The following MOB1B variants were observed in gnomAD, a reference collection of about 807,000 sequenced individuals.
MOB1B encodes MOB kinase activator 1B.
MOB1B carries 19 observed loss-of-function variants against 24.4 expected under a neutral mutation model. The observed-to-expected ratio is 0.78, with a 90% CI of 0.54 to 1.14. The LOEUF is 1.14. Ranked by LOEUF, MOB1B falls within the 50% of genes most tolerant of loss-of-function variation. The pLI, the probability that MOB1B is intolerant of heterozygous loss-of-function variation, is 0.00. For synonymous variants in MOB1B, 76 were observed against 82.1 expected (o/e 0.93, Z 0.40); for missense variants, 243 against 259.6 (o/e 0.94, Z 0.44).
chr4:70,951,696 G>A (rs1737813647), intron 1 of MOB1B, among the ~76,000 whole-genome samples: 1 of 152,178 alleles, frequency 6.6e-6, no homozygotes, highest in African/African-American at 2.4e-5. Context: ...CTAGCAGTTC[G>A]AGACCAGCTT....
intron 1 of MOB1B, chr4:70,950,802 T>C: frequency 6.6e-7 from 1 of 1,518,126 alleles, no homozygotes; most frequent in Non-Finnish European, 8.8e-7. Context: ...GCTACTGATG[T>C]GAATGAAAGG....
chr4:70,975,407 T>A, intron 4 of MOB1B, 121 bp downstream of exon 4: 4 of 1,459,300 alleles, frequency 2.7e-6, no homozygotes, highest in Non-Finnish European at 3.6e-6. Context: ...TTGATATATG[T>A]ATATGTTACG....
intron 4 of MOB1B, chr4:70,976,070 T>G (rs1738981545): frequency 3.0e-6 from 1 of 338,558 alleles, no homozygotes; most frequent in African/African-American, 2.2e-5. Flanking sequence ...CAGCTAATTT[T>G]TTTGCATTTT....
At chr4:70,969,125 A>G (rs1370418900) in intron 2 of MOB1B, among the ~76,000 whole-genome samples, 1 of 152,088 alleles carries the variant, frequency 6.6e-6, no homozygotes, top group African/African-American at 2.4e-5. Flanking sequence ...TGTGCTTTAT[A>G]AATCTTAATA....
chr4:70,950,918 C>A, intron 1 of MOB1B: 1 of 694,914 alleles, frequency 1.4e-6, no homozygotes, highest in Non-Finnish European at 2.6e-6. Context: ...GACGAGGAAG[C>A]TGAGACTCAG....
chr4:70,972,334 C>T (rs574379687), intron 3 of MOB1B, among the ~76,000 whole-genome samples: 11 of 152,142 alleles, frequency 7.2e-5, no homozygotes, highest in Non-Finnish European at 1.0e-4. Flanking sequence ...CCTGCCTCAA[C>T]CTCTTGAGTA....
intron 1 of MOB1B, among the ~76,000 whole-genome samples, chr4:70,915,432 A>C (rs970406115): frequency 4.6e-5 from 7 of 152,200 alleles, no homozygotes; most frequent in African/African-American, 1.7e-4. Context: ...AATTTTGAGG[A>C]GTTTAAATAC....
chr4:70,958,881 C>T lies in MOB1B; in HGVS notation c.22C>T (p.Arg8Cys), dbSNP rs769925167. 1.9e-5 allele frequency: 31 copies of T among 1,607,878 alleles called. No individual in the cohort carries two copies. The highest frequency in any genetic ancestry group is 2.5e-5 in the Non-Finnish European group (29 of 1,178,314). The change falls in exon 2 of 6, where the codon CGC becomes TGC. Residue 8 changes from arginine (R) to cysteine (C), a missense_variant. Arg to Cys is a radical substitution (Grantham distance 180, BLOSUM62 -3). Coordinates refer to ENST00000309395, the MANE Select transcript of MOB1B (RefSeq NM_173468.4). ...TTTCTTTTCTATTCATAGTGGTAGT[C>T]GCTCTTCTAAAACTTTTAAACCAAA... MSFLFGS[R>C]SSKTFKPKKN...
At chr4:70,916,596 C>G (rs1275168615) in intron 1 of MOB1B, among the ~76,000 whole-genome samples, 1 of 151,840 alleles carries the variant, frequency 6.6e-6, no homozygotes, top group Non-Finnish European at 1.5e-5. Context: ...GAGACAGAGT[C>G]TTGCTATCTT....
At chr4:70,911,026 TC>T (rs1735962832) in intron 1 of MOB1B, among the ~76,000 whole-genome samples, 1 of 152,222 alleles carries the variant, frequency 6.6e-6, no homozygotes. Flanking sequence ...GACCTTGTGA[TC>T]CGCCCGCCTT....
chr4:70,955,258 G>A (rs959912162), intron 1 of MOB1B, among the ~76,000 whole-genome samples: 3 of 152,064 alleles, frequency 2.0e-5, no homozygotes, highest in African/African-American at 7.2e-5. Flanking sequence ...TAGTTCTCAT[G>A]TACTCTTGCC....
At chr4:70,965,791 C>T (rs1260118117) in intron 2 of MOB1B, among the ~76,000 whole-genome samples, 3 of 102,702 alleles carry the variant, frequency 2.9e-5, no homozygotes, top group African/African-American at 1.3e-4. Context: ...AGCGAGACTC[C>T]GTCTCAAAAA....
intron 5 of MOB1B, among the ~76,000 whole-genome samples, chr4:70,980,143 C>T (rs1470288525): frequency 6.6e-6 from 1 of 152,104 alleles, no homozygotes; most frequent in Non-Finnish European, 1.5e-5. Flanking sequence ...AAATTTGTAT[C>T]CATCTTCCCC....
chr4:70,944,464 T>G (rs1362608276), intron 1 of MOB1B, among the ~76,000 whole-genome samples: 1 of 152,226 alleles, frequency 6.6e-6, no homozygotes, highest in African/African-American at 2.4e-5. Context: ...TAGAAAAGTT[T>G]GAGATTGACA....
chr4:70,902,665 G>C, intron 1 of MOB1B, 115 bp downstream of exon 1: 1 of 1,017,144 alleles, frequency 9.8e-7, no homozygotes, highest in Non-Finnish European at 1.3e-6. Flanking sequence ...AGCGCTCCCG[G>C]GGCCCGGCGT....
At chr4:70,968,058 G>A (rs1738607521) in intron 2 of MOB1B, among the ~76,000 whole-genome samples, 2 of 152,092 alleles carry the variant, frequency 1.3e-5, no homozygotes, top group African/African-American at 4.8e-5. Context: ...TGTTGCCCAA[G>A]GTGGTCCCAA....
At chr4:70,939,582 T>TGAGGCTGG (rs1301834037) in intron 1 of MOB1B, among the ~76,000 whole-genome samples, 74 of 152,318 alleles carry the variant, frequency 4.9e-4, no homozygotes, top group African/African-American at 1.7e-3. Context: ...CTCAAGAGGC[T>TGAGGCTGG]GAGGCTGGGA....
intron 1 of MOB1B, among the ~76,000 whole-genome samples, chr4:70,924,192 G>C (rs1043283783): frequency 1.3e-4 from 20 of 152,156 alleles, no homozygotes; most frequent in African/African-American, 4.8e-4. Flanking sequence ...TACTGAAATA[G>C]CTCTTTGTTT....
intron 3 of MOB1B, among the ~76,000 whole-genome samples, chr4:70,972,224 A>AT (rs1231667366): frequency 2.6e-5 from 4 of 151,462 alleles, no homozygotes; most frequent in Non-Finnish European, 5.9e-5. Context: ...TTTTTATTTT[A>AT]TTTTTTTGAG....
Sources: gnomAD v4.1 joint callset for allele counts (sites outside exome capture counted in the v4.1 genomes callset) on GRCh38, gnomAD v4.1.1 for gene constraint, MANE v1.5 for transcripts, NCBI Gene and HGNC (gene_info 2026-07-23, HGNC 2026-07-21) for gene names.